Variants in SV2B observed in about 807,000 individuals in gnomAD.
SV2B encodes the protein solute carrier family 22 member B2.
In SV2B, 41 loss-of-function variants were observed where a neutral mutation model predicts 73.9. The observed-to-expected ratio is 0.56, with a 90% CI of 0.43 to 0.72. The LOEUF (loss-of-function observed/expected upper bound fraction) is 0.72. SV2B is among the 30% of genes least tolerant of loss of function. SV2B has a pLI of 0.00. For missense variants in SV2B, 764 were observed against 857.8 expected (o/e 0.89, Z 1.37); for synonymous variants, 314 against 314.2 (o/e 1.00, Z 0.01).
chr15:91,217,973 T>C (rs528837925), intron 1 of SV2B, among the ~76,000 whole-genome samples: 1 of 152,364 alleles, frequency 6.6e-6, no homozygotes, highest in East Asian at 1.9e-4. Flanking sequence ...GTACTCACTA[T>C]TGCTATGACC....
intron 1 of SV2B, among the ~76,000 whole-genome samples, chr15:91,225,375 G>A (rs2046338884): frequency 6.6e-6 from 1 of 152,170 alleles, no homozygotes; most frequent in Non-Finnish European, 1.5e-5. Flanking sequence ...AGTTAGAAAA[G>A]CGGCATTTTC....
chr15:91,131,477 G>C (rs1380236876), intron 1 of SV2B, among the ~76,000 whole-genome samples: 1 of 152,048 alleles, frequency 6.6e-6, no homozygotes, highest in Non-Finnish European at 1.5e-5. Flanking sequence ...ATTTTACTGT[G>C]AGTGTTTGGC....
chr15:91,102,800 C>T (rs939642572), intron 1 of SV2B, among the ~76,000 whole-genome samples: 2 of 152,098 alleles, frequency 1.3e-5, no homozygotes, highest in Middle Eastern at 3.2e-3. Flanking sequence ...TGGTAAATGA[C>T]ATTTGACCAG....
At chr15:91,131,295 G>A (rs1000169392) in intron 1 of SV2B, among the ~76,000 whole-genome samples, 6 of 151,462 alleles carry the variant, frequency 4.0e-5, no homozygotes, top group African/African-American at 1.5e-4. Context: ...CAGGGAAAAG[G>A]TTTGGAACAG....
In SV2B at chr15:91,234,633, C is replaced by A. The variant is rs2046709676; in HGVS notation, c.451+7919C>A. Among the ~76,000 whole-genome samples the A allele has an allele frequency of 6.6e-6, 1 of 152,156 alleles. No homozygotes were observed. The highest frequency in any genetic ancestry group is 1.5e-5 in the Non-Finnish European group (1 of 68,026). On this transcript the variant is annotated intron_variant, in intron 2 of 12. Transcript: ENST00000394232. This position sits in a 1 kb window ranked among gnomAD's most constrained non-coding sequence, Gnocchi z 5.6. ...ACTTCTAGGTCAAGTGAACAGAAGT[C>A]TCATGAAATATAGAAACAGAGCATC...
chr15:91,213,289 G>T (rs2045926795), intron 1 of SV2B, among the ~76,000 whole-genome samples: 1 of 152,198 alleles, frequency 6.6e-6, no homozygotes, highest in South Asian at 2.1e-4. Context: ...CCTCAAGCTG[G>T]TGTTACTTTC....
In SV2B at chr15:91,245,988, A is replaced by C. The variant is rs1315081479; in HGVS notation, c.452-5831A>C. ...GTCCCTTTATAGAAAAAGTTGGTGG[A>C]GCCTTAGTTTGGAACATCAGGGATG... On this transcript the variant is annotated intron_variant, in intron 2 of 12. Transcript: ENST00000394232. This position sits in a 1 kb window ranked among gnomAD's most constrained non-coding sequence, Gnocchi z 4.2. Among the ~76,000 whole-genome samples the C allele has an allele frequency of 1.3e-5, 2 of 151,508 alleles. No homozygotes were observed. Among genetic ancestry groups the C allele is most frequent in the African/African-American group, 4.9e-5 (2 of 41,160 alleles).
At chr15:91,222,571 A>C (rs2046253983) in intron 1 of SV2B, among the ~76,000 whole-genome samples, 1 of 152,130 alleles carries the variant, frequency 6.6e-6, no homozygotes, top group Non-Finnish European at 1.5e-5. Context: ...ACCCTAACCA[A>C]AGAGTTGGAA....
rs2045528561 is a variant in SV2B at position 91,203,428 on chromosome 15, T to A, written c.-391-22445T>A. On this transcript the variant is annotated intron_variant, in intron 1 of 12. Coordinates refer to ENST00000394232, the MANE Select transcript of SV2B (RefSeq NM_001323032.3). ...CTGGAATCCTACCATTAGAATCCTG[T>A]TATGTATTGAAGCATTTTAAAAAGC... is the stretch of plus-strand genomic sequence containing the variant. 2.0e-5 allele frequency among the ~76,000 whole-genome samples: 3 copies of A among 152,354 alleles called. No homozygotes were observed. In the South Asian group the frequency reaches 6.2e-4, roughly 32 times the overall value.
intron 6 of SV2B, among the ~76,000 whole-genome samples, chr15:91,263,975 C>G (rs546436987): frequency 6.6e-6 from 1 of 152,250 alleles, no homozygotes; most frequent in Non-Finnish European, 1.5e-5. Flanking sequence ...CCCCATGCCT[C>G]GAGCAGTTAT....
chr15:91,224,532 C>A lies in SV2B; in HGVS notation c.-391-1341C>A, dbSNP rs1011576428. Reference sequence around the variant, plus strand: ...AGCTTGAAGCAGCCCTTCTTCATTACGCTCTGGGAATCTGTATTTTTAAAG... The same window carrying A: ...AGCTTGAAGCAGCCCTTCTTCATTAAGCTCTGGGAATCTGTATTTTTAAAG... On this transcript the variant is annotated intron_variant, in intron 1 of 12. Coordinates refer to ENST00000394232, the MANE Select transcript of SV2B (RefSeq NM_001323032.3). This position sits in a 1 kb window ranked among gnomAD's most constrained non-coding sequence, Gnocchi z 4.9. Among the ~76,000 whole-genome samples the A allele has an allele frequency of 2.0e-4, 30 of 152,244 alleles. No homozygotes were observed. Among genetic ancestry groups the A allele is most frequent in the African/African-American group, 7.0e-4 (29 of 41,538 alleles).
At position 91,130,469 on chromosome 15, in the gene SV2B, A is replaced by T. The variant is rs572360202; in HGVS notation, c.-392+30106A>T. Among the ~76,000 whole-genome samples, 29 of 152,200 alleles carry T rather than the reference A, an allele frequency of 1.9e-4. No homozygotes were observed. The highest frequency in any genetic ancestry group is 1.9e-3 in the Admixed American group (29 of 15,280). The stretch of plus-strand genomic sequence containing the variant: ...TGCTAGAACCATAGAGAAGATTTGC[A>T]TTGAAAATGGAAGTGGAGGGTAAGG... On this transcript the variant is annotated intron_variant, in intron 1 of 12. Transcript: ENST00000394232. This position sits in a 1 kb window ranked among gnomAD's most constrained non-coding sequence, Gnocchi z 5.6.
rs147746028 is a variant in SV2B at position 91,116,516 on chromosome 15, G to C, written c.-392+16153G>C. On this transcript the variant is annotated intron_variant, in intron 1 of 12. Coordinates refer to ENST00000394232, the MANE Select transcript of SV2B (RefSeq NM_001323032.3). ...ATCCCGTGCAGAACGTTGTATGACT[G>C]CACTTCACAATGACAGGATTGTTTC... Among the ~76,000 whole-genome samples, 377 of 152,262 alleles carry C rather than the reference G, an allele frequency of 2.5e-3. 2 individuals carry two copies. Among genetic ancestry groups the C allele is most frequent in the Middle Eastern group, 0.014 (4 of 294 alleles).
chr15:91,205,852 A>G (rs1596580248), intron 1 of SV2B, among the ~76,000 whole-genome samples: 3 of 152,330 alleles, frequency 2.0e-5, no homozygotes, highest in East Asian at 3.9e-4. Flanking sequence ...AATGTATAAA[A>G]TCTCAACCCA....
intron 2 of SV2B, among the ~76,000 whole-genome samples, chr15:91,243,227 A>G (rs987392522): frequency 7.2e-5 from 11 of 152,142 alleles, no homozygotes; most frequent in Non-Finnish European, 1.5e-4. Context: ...TGAGATGCCC[A>G]CAGTGCCCAG....
Position 91,118,120 on chromosome 15 carries a change from C to G in SV2B, c.-392+17757C>G, listed in dbSNP as rs138806244. ...ACAAATACTAGCTTGAGGTGAAACA[C>G]TTTTTGTTCCCCATAAAACCAAGAA... On this transcript the variant is annotated intron_variant, in intron 1 of 12. Transcript: ENST00000394232. The surrounding 1 kb of genome is among the most constrained non-coding windows in gnomAD (Gnocchi z 4.7). 5.1e-4 allele frequency among the ~76,000 whole-genome samples: 77 copies of G among 152,194 alleles called. No homozygotes were observed. In the East Asian group the frequency reaches 0.014, roughly 27 times the overall value.
At position 91,123,251 on chromosome 15, in the gene SV2B, T is replaced by G. The variant is rs1335718356; in HGVS notation, c.-392+22888T>G. Among the ~76,000 whole-genome samples, 1 of 152,198 alleles carries G rather than the reference T, an allele frequency of 6.6e-6. No individual in the cohort carries two copies. The highest frequency in any genetic ancestry group is 1.9e-4 in the East Asian group (1 of 5,198). On this transcript the variant is annotated intron_variant, in intron 1 of 12. Transcript: ENST00000394232. This position sits in a 1 kb window ranked among gnomAD's most constrained non-coding sequence, Gnocchi z 4.7. ...ATGTTCATACCACTGCATTGCAGCC[T>G]GGTAACAGAGCAAGACCTTGTCTCA... is the stretch of plus-strand genomic sequence containing the variant.
chr15:91,115,121 C>A lies in SV2B; in HGVS notation c.-392+14758C>A, dbSNP rs1233167415. Reference sequence around the variant, plus strand: ...GAAGGGGACATAGGTCCTGAGCAGGCAAAGCCAACAGGTGTCCACTACACA... The same window carrying A: ...GAAGGGGACATAGGTCCTGAGCAGGAAAAGCCAACAGGTGTCCACTACACA... On this transcript the variant is annotated intron_variant, in intron 1 of 12. Coordinates refer to ENST00000394232, the MANE Select transcript of SV2B (RefSeq NM_001323032.3). The surrounding 1 kb of genome is among the most constrained non-coding windows in gnomAD (Gnocchi z 4.3). 1.3e-5 allele frequency among the ~76,000 whole-genome samples: 2 copies of A among 152,198 alleles called. No individual in the cohort carries two copies. The highest frequency in any genetic ancestry group is 4.8e-5 in the African/African-American group (2 of 41,458).
rs1075839 is a variant in SV2B, at chr15:91,258,367, C to A, written c.785-54C>A. 1.0e-5 allele frequency: 16 copies of A among 1,602,332 alleles called. No individual in the cohort carries two copies. In the South Asian group the frequency reaches 1.8e-4, roughly 18 times the overall value. On this transcript the variant is annotated intron_variant, in intron 4 of 12. Coordinates refer to ENST00000394232, the MANE Select transcript of SV2B (RefSeq NM_001323032.3). This position sits in a 1 kb window ranked among gnomAD's most constrained non-coding sequence, Gnocchi z 4.7. ...AGCCAGGGCTTCAGAGTCACTCTTC[C>A]GTAGAGGAAAAGATCATGTCCCAGA... is the stretch of plus-strand genomic sequence containing the variant.
Sources: gnomAD v4.1 joint callset for allele counts (sites outside exome capture counted in the v4.1 genomes callset) on GRCh38, gnomAD v4.1.1 for gene constraint, Gnocchi (gnomAD v3.1) non-coding constraint, MANE v1.5 for transcripts, NCBI Gene and HGNC (gene_info 2026-07-23, HGNC 2026-07-21) for gene names.